Variants in GEMIN7 observed in about 807,000 individuals in gnomAD.
GEMIN7 encodes the protein gem nuclear organelle associated protein 7.
GEMIN7 carries 7 observed loss-of-function variants against 7.8 expected under a neutral mutation model. The observed-to-expected ratio is 0.90, with a 90% CI of 0.51 to 1.69. The LOEUF is 1.69. Among genes scored for constraint, GEMIN7 ranks in the 40% most tolerant of loss-of-function variants. The pLI is 0.00. For missense variants in GEMIN7, 159 were observed against 176.2 expected (o/e 0.90, Z 0.55); for synonymous variants, 68 against 72.4 (o/e 0.94, Z 0.31).
chr19:45,089,514 G>C (rs1000612333), intron 2 of GEMIN7, among the ~76,000 whole-genome samples: 1 of 151,992 alleles, frequency 6.6e-6, no homozygotes, highest in African/African-American at 2.4e-5. Context: ...GGATTGGGTG[G>C]GTTGTGTGTG....
chr19:45,089,869 T>C (rs1169925589), intron 2 of GEMIN7, among the ~76,000 whole-genome samples: 1 of 152,194 alleles, frequency 6.6e-6, no homozygotes. Context: ...GATAAAAACA[T>C]TATAAAAGCA....
At chr19:45,084,825 G>A (rs1040216232) in intron 2 of GEMIN7, among the ~76,000 whole-genome samples, 8 of 152,078 alleles carry the variant, frequency 5.3e-5, no homozygotes, top group Non-Finnish European at 1.2e-4. Flanking sequence ...GCGCAGTCTC[G>A]GCTCACCACA....
At chr19:45,090,054 T>C in intron 2 of GEMIN7, 53 bp from the exon 3 acceptor site, 1 of 1,541,598 alleles carries the variant, frequency 6.5e-7, no homozygotes, top group Non-Finnish European at 8.8e-7. Context: ...CCTCCTCCAT[T>C]AGCCCCATGC....
At chr19:45,075,690 G>T, upstream of GEMIN7, 1 of 1,611,018 alleles carries the variant, frequency 6.2e-7, no homozygotes, top group Non-Finnish European at 8.5e-7. Flanking sequence ...CTTGAGAGGG[G>T]GACTGCACCC....
chr19:45,076,423 GGCGGAGGACGCACGAGCGGAGGACGC>G (rs1967355795), upstream of GEMIN7: 3 of 1,204,888 alleles, frequency 2.5e-6, no homozygotes, highest in Non-Finnish European at 2.1e-6. This position sits in a 1 kb window ranked among gnomAD's most constrained non-coding sequence, Gnocchi z 4.9. Context: ...CAGGCGGGCG[GGCGGAGGACGCACGAGCGGAGGACGC>G]GCGGACCGTG....
chr19:45,089,968 G>C, intron 2 of GEMIN7, 139 bp from the exon 3 acceptor site: 3 of 863,416 alleles, frequency 3.5e-6, no homozygotes, highest in Non-Finnish European at 5.4e-6. Context: ...CGATGGCACA[G>C]ATTTTAGGAG....
intron 2 of GEMIN7, among the ~76,000 whole-genome samples, chr19:45,085,936 C>T (rs1967670239): frequency 7.7e-6 from 1 of 129,864 alleles, no homozygotes. Context: ...GGCGTGGTCT[C>T]GGCTCACTGC....
At chr19:45,082,254 T>A (rs1967528347) in intron 2 of GEMIN7, among the ~76,000 whole-genome samples, 1 of 152,220 alleles carries the variant, frequency 6.6e-6, no homozygotes, top group African/African-American at 2.4e-5. Flanking sequence ...AAGCCACCCT[T>A]TCCATGATCT....
chr19:45,076,782 G>A (rs1345276145), upstream of GEMIN7: 1 of 174,770 alleles, frequency 5.7e-6, no homozygotes, highest in Non-Finnish European at 1.2e-5. The surrounding 1 kb of genome is among the most constrained non-coding windows in gnomAD (Gnocchi z 4.9). Context: ...GTGCCTGATA[G>A]TAATCTGGGC....
rs778254042 is a variant in GEMIN7, at chr19:45,090,411, G to C, written c.297G>C (p.Val99=). The C allele has an allele frequency of 6.2e-7, 1 of 1,614,056 alleles. No homozygotes were observed. ...ACTTTGGAGCCACCGACCTGGATGT[G>C]GCCAACTTCTACGTGTCACAGCTGC... ...AAHFGATDLD[V]ANFYVSQLQT... The change falls in exon 3 of 3, where the codon GTG becomes GTC. Residue 99 remains valine (V), a synonymous_variant. Transcript: ENST00000270257.
At chr19:45,086,413 G>A (rs1372447309) in intron 2 of GEMIN7, among the ~76,000 whole-genome samples, 3 of 152,184 alleles carry the variant, frequency 2.0e-5, no homozygotes, top group Non-Finnish European at 4.4e-5. Context: ...GAGTGGTGCA[G>A]CTGCTAAAAC....
intron 2 of GEMIN7, among the ~76,000 whole-genome samples, chr19:45,083,596 C>CTTTTTTTTT (rs1285002333): frequency 1.1e-5 from 1 of 88,732 alleles, no homozygotes. Context: ...TCCAATTCTT[C>CTTTTTTTTT]TTCTTTTTTT....
upstream of GEMIN7, chr19:45,076,487 C>T (rs943566155): frequency 1.3e-5 from 10 of 749,850 alleles, no homozygotes; most frequent in African/African-American, 3.7e-5. The surrounding 1 kb of genome is among the most constrained non-coding windows in gnomAD (Gnocchi z 4.9). Context: ...CTGCGGCGAC[C>T]CGCCGCGAAC....
At chr19:45,076,478 T>C, upstream of GEMIN7, 1 of 849,504 alleles carries the variant, frequency 1.2e-6, no homozygotes, top group Non-Finnish European at 1.5e-6. The surrounding 1 kb of genome is among the most constrained non-coding windows in gnomAD (Gnocchi z 4.9). Context: ...GGTGAGTGAC[T>C]GCGGCGACCC....
At chr19:45,078,183 C>T (rs1967395480), upstream of GEMIN7, among the ~76,000 whole-genome samples, 1 of 143,820 alleles carries the variant, frequency 7.0e-6, no homozygotes, top group South Asian at 2.2e-4. Context: ...CTCACTGCAA[C>T]CTCCGCCTCC....
chr19:45,076,055 C>T, upstream of GEMIN7: 1 of 1,576,050 alleles, frequency 6.3e-7, no homozygotes, highest in Non-Finnish European at 8.6e-7. The surrounding 1 kb of genome is among the most constrained non-coding windows in gnomAD (Gnocchi z 4.9). Context: ...GGAGGCTGGG[C>T]CCAGGGCCCG....
In GEMIN7 at chr19:45,090,380, C is replaced by A; in HGVS notation, c.266C>A (p.Ala89Asp). 2 of 1,614,126 alleles carry A rather than the reference C, an allele frequency of 1.2e-6. No individual in the cohort carries two copies. Among genetic ancestry groups the A allele is most frequent in the Non-Finnish European group, 1.7e-6 (2 of 1,180,040 alleles). The change falls in exon 3 of 3, where the codon GCC becomes GAC. Residue 89 changes from alanine (A) to aspartate (D), a missense_variant. Physicochemically the swap from Ala to Asp is moderately radical, Grantham distance 126. Coordinates refer to ENST00000270257, the MANE Select transcript of GEMIN7 (RefSeq NM_024707.3). The stretch of plus-strand genomic sequence containing the variant: ...ACGTTGCACGAGGGTGTGCGTGTGG[C>A]CGCCCACTTTGGAGCCACCGACCTG... ...SFTLHEGVRV[A>D]AHFGATDLDV... is the part of the protein sequence containing the mutation.
intron 2 of GEMIN7, among the ~76,000 whole-genome samples, chr19:45,080,765 G>GTTTTTTTT (rs57306662): frequency 5.9e-5 from 8 of 135,656 alleles, no homozygotes; most frequent in Non-Finnish European, 6.2e-5. Context: ...CTTGTTTTTT[G>GTTTTTTTT]TTTTTTTTTT....
upstream of GEMIN7, chr19:45,076,174 T>C: frequency 6.6e-7 from 1 of 1,510,444 alleles, no homozygotes; most frequent in Non-Finnish European, 8.8e-7. This position sits in a 1 kb window ranked among gnomAD's most constrained non-coding sequence, Gnocchi z 4.9. Context: ...AGGGGAGTGG[T>C]GGGGTTCGCC....
Sources: allele counts gnomAD v4.1 joint callset (sites outside exome capture counted in the v4.1 genomes callset), GRCh38; gene constraint gnomAD v4.1.1; non-coding constraint Gnocchi (gnomAD v3.1); transcripts MANE v1.5; gene names NCBI Gene and HGNC (gene_info 2026-07-23, HGNC 2026-07-21).